The following KAZN variants were observed in gnomAD, a reference collection of about 807,000 sequenced individuals.
KAZN encodes the protein kazrin.
A neutral mutation model predicts 87.4 loss-of-function variants in KAZN; 40 were observed. The ratio of observed to expected loss-of-function variants is 0.46; its 90% CI spans 0.36 to 0.60. The LOEUF (loss-of-function observed/expected upper bound fraction) is 0.60, where lower values mean the gene tolerates loss of function less well. Among genes scored for constraint, KAZN ranks in the 20% least tolerant of loss-of-function variants. The probability of loss-of-function intolerance (pLI) is 0.00; values close to 1 mark genes in which losing one functional copy is unlikely to be tolerated. For synonymous variants in KAZN, 466 were observed against 458.3 expected, an observed-to-expected ratio of 1.02 and a Z score of -0.22; for missense variants, 898 against 1,073.9, an observed-to-expected ratio of 0.84 and a Z score of 2.29.
chr1:14,932,055 G>T (rs1159691110), intron 1 of KAZN, among the ~76,000 whole-genome samples: 1 of 152,146 alleles, frequency 6.6e-6, no homozygotes, highest in Non-Finnish European at 1.5e-5. Flanking sequence ...CCTGCTCCCG[G>T]CTCCAGGCTG....
chr1:14,437,187 A>C (rs1666445892), intron 2 of KAZN, among the ~76,000 whole-genome samples: 1 of 152,190 alleles, frequency 6.6e-6, no homozygotes, highest in Non-Finnish European at 1.5e-5. Flanking sequence ...AAACCATGTC[A>C]GTTTGTGATC....
exon 1 of KAZN, chr1:13,893,460 T>A: frequency 2.6e-6 from 2 of 782,350 alleles, no homozygotes; most frequent in Non-Finnish European, 1.9e-6. Context: ...GTTTCATTTT[T>A]TACTTGACTG....
At chr1:14,493,337 G>A (rs1033937649) in intron 2 of KAZN, among the ~76,000 whole-genome samples, 2 of 152,212 alleles carry the variant, frequency 1.3e-5, no homozygotes, top group Admixed American at 6.5e-5. Context: ...GCAACACCTG[G>A]TGTGGGTTGT....
intron 1 of KAZN, among the ~76,000 whole-genome samples, chr1:14,056,373 A>G (rs1032404867): frequency 6.6e-6 from 1 of 152,204 alleles, no homozygotes; most frequent in Non-Finnish European, 1.5e-5. Context: ...GTCACGATGG[A>G]AGCAGAGCTT....
intron 1 of KAZN, among the ~76,000 whole-genome samples, chr1:13,894,244 C>G (rs1373073916): frequency 1.3e-5 from 2 of 152,200 alleles, no homozygotes; most frequent in African/African-American, 4.8e-5. Flanking sequence ...GCAGCCTCTC[C>G]CAGGCTTTGA....
upstream of KAZN, among the ~76,000 whole-genome samples, chr1:14,594,625 G>A (rs1187554141): frequency 6.6e-6 from 1 of 152,158 alleles, no homozygotes; most frequent in Non-Finnish European, 1.5e-5. Context: ...GACTATTTGG[G>A]GAACACGCAA....
chr1:14,727,255 T>C (rs1643426938), intron 1 of KAZN, among the ~76,000 whole-genome samples: 1 of 152,010 alleles, frequency 6.6e-6, no homozygotes, highest in African/African-American at 2.4e-5. Context: ...AAACAGGCCT[T>C]GGACGTGAAC....
intron 1 of KAZN, among the ~76,000 whole-genome samples, chr1:14,675,060 C>T (rs572956777): frequency 7.2e-5 from 11 of 152,340 alleles, no homozygotes; most frequent in African/African-American, 2.6e-4. Context: ...GTGCCCTGTG[C>T]TGGCATTGAG....
At chr1:13,983,102 C>A (rs1054456670) in intron 1 of KAZN, among the ~76,000 whole-genome samples, 1 of 152,258 alleles carries the variant, frequency 6.6e-6, no homozygotes, top group Non-Finnish European at 1.5e-5. Context: ...CTGGCTTCAC[C>A]CAGTGGATCT....
intron 1 of KAZN, among the ~76,000 whole-genome samples, chr1:14,945,517 C>T (rs963073123): frequency 2.0e-5 from 3 of 152,158 alleles, no homozygotes; most frequent in Admixed American, 6.5e-5. Context: ...TCCGCACTGG[C>T]GGCCAGTCTG....
intron 1 of KAZN, among the ~76,000 whole-genome samples, chr1:14,033,841 A>G (rs973780864): frequency 2.0e-5 from 3 of 152,210 alleles, no homozygotes; most frequent in African/African-American, 7.2e-5. Flanking sequence ...CACTTCTTCC[A>G]TCCTCAAACA....
intron 2 of KAZN, among the ~76,000 whole-genome samples, chr1:14,286,472 A>C (rs1403016591): frequency 6.6e-6 from 1 of 152,220 alleles, no homozygotes; most frequent in Non-Finnish European, 1.5e-5. Flanking sequence ...CTGAATTTTC[A>C]CATCTGTAAA....
chr1:14,598,959 C>T lies in KAZN; in HGVS notation c.-39C>T. On this transcript the variant is annotated 5_prime_UTR_variant, in exon 1 of 15. Transcript: ENST00000376030. This position sits in a 1 kb window ranked among gnomAD's most constrained non-coding sequence, Gnocchi z 4.2. ...CGCGCCCCCCGCGCATCATGCAGCTCTTTGTCACCTCTCTCGCCCCCAGGC... is the reference window on the plus strand; with the variant it reads ...CGCGCCCCCCGCGCATCATGCAGCTTTTTGTCACCTCTCTCGCCCCCAGGC... The T allele has an allele frequency of 6.4e-7, 1 of 1,561,138 alleles. No homozygotes were observed.
intron 2 of KAZN, among the ~76,000 whole-genome samples, chr1:14,233,889 T>C (rs1431358002): frequency 6.6e-6 from 1 of 152,100 alleles, no homozygotes; most frequent in Non-Finnish European, 1.5e-5. Flanking sequence ...TATTAAAAAG[T>C]CAGGAAACAA....
At chr1:14,228,956 A>G (rs773377561) in intron 2 of KAZN, among the ~76,000 whole-genome samples, 19 of 152,148 alleles carry the variant, frequency 1.2e-4, no homozygotes, top group Non-Finnish European at 1.6e-4. Flanking sequence ...TGTTATCCAC[A>G]TGGCTCACAC....
intron 1 of KAZN, among the ~76,000 whole-genome samples, chr1:14,936,118 G>T (rs1430296510): frequency 2.0e-5 from 3 of 152,188 alleles, no homozygotes; most frequent in African/African-American, 7.2e-5. Flanking sequence ...GGGAGGTGAC[G>T]GGCAGAACAT....
At chr1:14,412,863 A>G (rs1212729975) in intron 2 of KAZN, among the ~76,000 whole-genome samples, 1 of 151,168 alleles carries the variant, frequency 6.6e-6, no homozygotes, top group Non-Finnish European at 1.5e-5. Context: ...ATATCATAAA[A>G]TTGTAGTCAT....
intron 2 of KAZN, among the ~76,000 whole-genome samples, chr1:14,194,456 AG>A (rs1646485407): frequency 1.3e-5 from 2 of 152,140 alleles, no homozygotes; most frequent in Non-Finnish European, 2.9e-5. Flanking sequence ...CTTTTGCATG[AG>A]GCTTCTGTTT....
At chr1:14,799,641 C>T (rs1014852325) in intron 1 of KAZN, among the ~76,000 whole-genome samples, 1 of 152,190 alleles carries the variant, frequency 6.6e-6, no homozygotes, top group Non-Finnish European at 1.5e-5. Context: ...CTTGACCATT[C>T]ACTTAATCAG....
Sources: allele counts gnomAD v4.1 joint callset (sites outside exome capture counted in the v4.1 genomes callset), GRCh38; gene constraint gnomAD v4.1.1; non-coding constraint Gnocchi (gnomAD v3.1); transcripts MANE v1.5; gene names NCBI Gene and HGNC (gene_info 2026-07-23, HGNC 2026-07-21).